Variants in TUBGCP5 observed in about 807,000 individuals in gnomAD.
The protein encoded by TUBGCP5 is gamma-tubulin complex component 5.
In TUBGCP5, 98 loss-of-function variants were observed where a neutral mutation model predicts 134.7. That is an observed-to-expected ratio of 0.73 (90% CI 0.62 to 0.86). The LOEUF is 0.86. Among genes scored for constraint, TUBGCP5 ranks in the 40% least tolerant of loss-of-function variants. TUBGCP5 has a pLI of 0.00. For missense variants in TUBGCP5, 1,150 were observed against 1,244.8 expected, an observed-to-expected ratio of 0.92 and a Z score of 1.15; for synonymous variants, 456 against 431.4, an observed-to-expected ratio of 1.06 and a Z score of -0.71.
chr15:23,022,488 A>G (rs941332658), intron 10 of TUBGCP5, among the ~76,000 whole-genome samples: 12 of 152,244 alleles, frequency 7.9e-5, no homozygotes, highest in African/African-American at 1.4e-4. Flanking sequence ...TAGGTAAAAC[A>G]AAACACCTCC....
downstream of TUBGCP5, chr15:22,996,817 A>G: frequency 6.6e-6 from 1 of 152,048 alleles, no homozygotes; most frequent in Non-Finnish European, 1.5e-5. Flanking sequence ...AAAAACACAA[A>G]AGATTAGCCG....
intron 6 of TUBGCP5, 121 bp from the exon 7 acceptor site, chr15:23,027,427 C>T: frequency 2.8e-6 from 2 of 725,444 alleles, no homozygotes; most frequent in Non-Finnish European, 4.7e-6. Context: ...ATAACAGCTA[C>T]CTAACATTTA....
At chr15:22,988,153 G>GAA (rs77460207) in intron 23 of TUBGCP5, among the ~76,000 whole-genome samples, 71,300 of 151,274 alleles carry the variant, frequency 0.47, 17,347 homozygotes, top group African/African-American at 0.56. Context: ...CTTATATGAA[G>GAA]AAAGAGTCTT....
At chr15:22,986,700 C>T (rs1164308366) in intron 23 of TUBGCP5, among the ~76,000 whole-genome samples, 2 of 150,770 alleles carry the variant, frequency 1.3e-5, no homozygotes, top group African/African-American at 2.4e-5. Context: ...ATTGCGCCAC[C>T]GCACTCCAAC....
intron 11 of TUBGCP5, among the ~76,000 whole-genome samples, chr15:23,020,311 G>A (rs923858514): frequency 2.0e-4 from 30 of 152,096 alleles, no homozygotes; most frequent in African/African-American, 6.3e-4. Context: ...GGAGGCTAAG[G>A]CAGGAGAATA....
In TUBGCP5 at chr15:23,013,105, T is replaced by C. The variant is rs1390645921; in HGVS notation, c.1757-1774A>G. On this transcript the variant is annotated intron_variant, in intron 13 of 22. Coordinates refer to ENST00000615383, the MANE Select transcript of TUBGCP5 (RefSeq NM_052903.6). This position sits in a 1 kb window ranked among gnomAD's most constrained non-coding sequence, Gnocchi z 4.5. Reference sequence around the variant, plus strand: ...AGCAAGGTGGCTGCCTGGAGACGTCTGGTGTTCCTCTCCCAACAGCAAGAG... The same window carrying C: ...AGCAAGGTGGCTGCCTGGAGACGTCCGGTGTTCCTCTCCCAACAGCAAGAG... Among the ~76,000 whole-genome samples the C allele has an allele frequency of 6.6e-6, 1 of 151,188 alleles. No homozygotes were observed. The highest frequency in any genetic ancestry group is 2.0e-4 in the East Asian group (1 of 5,058).
chr15:22,999,763 G>A lies in TUBGCP5; in HGVS notation c.*57C>T, dbSNP rs1314359270. ...ATATTTTCACTTTTCAGCTGCACAT[G>A]GTGGAAATGTACATGTATGATGACA... On this transcript the variant is annotated 3_prime_UTR_variant, in exon 23 of 23. Transcript: ENST00000615383. 4 of 1,543,292 alleles carry A rather than the reference G, an allele frequency of 2.6e-6. No homozygotes were observed. The highest frequency in any genetic ancestry group is 3.6e-6 in the Non-Finnish European group (4 of 1,117,638).
intron 8 of TUBGCP5, 83 bp downstream of exon 8, chr15:23,026,033 T>C (rs2065962668): frequency 2.6e-6 from 3 of 1,133,580 alleles, no homozygotes; most frequent in Non-Finnish European, 3.8e-6. Flanking sequence ...GTGAAAATGC[T>C]TGAAAAGTTT....
chr15:23,038,735 T>C (rs1263953101), intron 1 of TUBGCP5, among the ~76,000 whole-genome samples: 1 of 152,176 alleles, frequency 6.6e-6, no homozygotes, highest in Non-Finnish European at 1.5e-5. Flanking sequence ...TTAATTTACA[T>C]CTCCCATAAA....
chr15:23,026,706 G>A (rs1355322319), intron 7 of TUBGCP5, among the ~76,000 whole-genome samples: 1 of 152,136 alleles, frequency 6.6e-6, no homozygotes, highest in African/African-American at 2.4e-5. Flanking sequence ...GCCGAGGCAG[G>A]TGGATCACTT....
chr15:23,012,311 T>G (rs1474229122), intron 13 of TUBGCP5, among the ~76,000 whole-genome samples: 1 of 152,156 alleles, frequency 6.6e-6, no homozygotes, highest in Non-Finnish European at 1.5e-5. Flanking sequence ...ATCTACTTAT[T>G]TCAAGTAGAT....
chr15:23,027,623 G>C (rs1253165209), intron 6 of TUBGCP5, among the ~76,000 whole-genome samples: 2 of 151,764 alleles, frequency 1.3e-5, no homozygotes, highest in African/African-American at 4.8e-5. Context: ...AGGGATGGTG[G>C]CATGTGCTTG....
chr15:23,018,235 G>GT (rs1308871817), intron 12 of TUBGCP5, among the ~76,000 whole-genome samples, 194 bp from the exon 13 acceptor site: 1 of 152,142 alleles, frequency 6.6e-6, no homozygotes, highest in Non-Finnish European at 1.5e-5. Flanking sequence ...TTTGAATAGT[G>GT]TAAGTAAAAT....
intron 3 of TUBGCP5, among the ~76,000 whole-genome samples, chr15:23,035,003 G>A (rs1021389883): frequency 6.6e-6 from 1 of 151,912 alleles, no homozygotes; most frequent in African/African-American, 2.4e-5. Flanking sequence ...ATAAAGAGGG[G>A]TCATCACTAC....
chr15:23,028,379 TAAAAAAAAAAAA>T lies in TUBGCP5; in HGVS notation c.623-1085_623-1074del, dbSNP rs762310901. ...TGGGTGACAGAGCAGGGCCCGGTCT[TAAAAAAAAAAAA>T]AAAAAAAAAGCAAATCCAAAATTGA... is the stretch of plus-strand genomic sequence containing the variant. On this transcript the variant is annotated intron_variant, in intron 6 of 22. Coordinates refer to ENST00000615383, the MANE Select transcript of TUBGCP5 (RefSeq NM_052903.6). 6.6e-5 allele frequency among the ~76,000 whole-genome samples: 6 copies of T among 91,050 alleles called. No individual in the cohort carries two copies. The East Asian group carries it at 1.8e-3, about 28-fold the overall frequency. 59.7% of individuals were successfully genotyped at this position (91,050 alleles called of 152,430 possible).
intron 9 of TUBGCP5, chr15:23,024,436 A>G (rs1344832293): frequency 2.1e-6 from 1 of 470,884 alleles, no homozygotes; most frequent in Non-Finnish European, 3.6e-6. Context: ...AAATGTACTT[A>G]AAGCAAAACA....
chr15:23,015,618 G>C (rs1167972516), intron 13 of TUBGCP5, among the ~76,000 whole-genome samples: 1 of 152,060 alleles, frequency 6.6e-6, no homozygotes, highest in Non-Finnish European at 1.5e-5. Context: ...CTCCAGCCTA[G>C]GTAATAGAGC....
At position 23,030,940 on chromosome 15, in the gene TUBGCP5, T is replaced by C. The variant is rs1489999132; in HGVS notation, c.567A>G (p.Thr189=). Residue 189 remains threonine, a synonymous_variant, in exon 6 of 23, where the codon ACA becomes ACG. Transcript: ENST00000615383. ...TGTTTTGATCTTGTTCTTCTAACGG[T>C]GTCCTGTCTACCTGAATTCCAGAGT... ...REDSGIQVDR[T]PLEEQDQNRK... is the part of the protein sequence containing the mutation. 4 of 1,613,574 alleles carry C rather than the reference T, an allele frequency of 2.5e-6. No homozygotes were observed. The highest frequency in any genetic ancestry group is 1.6e-4 in the Middle Eastern group (1 of 6,078).
intron 23 of TUBGCP5, among the ~76,000 whole-genome samples, chr15:22,986,459 G>A (rs893798784): frequency 2.0e-5 from 3 of 152,058 alleles, no homozygotes; most frequent in African/African-American, 4.8e-5. Context: ...GAAATTGGCC[G>A]GGCGTGGTGG....
Sources: gnomAD v4.1 joint callset for allele counts (sites outside exome capture counted in the v4.1 genomes callset) on GRCh38, gnomAD v4.1.1 for gene constraint, Gnocchi (gnomAD v3.1) non-coding constraint, MANE v1.5 for transcripts, NCBI Gene and HGNC (gene_info 2026-07-23, HGNC 2026-07-21) for gene names.